Variants in MCM3 observed in about 807,000 individuals in gnomAD.
MCM3 encodes DNA replication licensing factor MCM3.
A neutral mutation model predicts 91.3 loss-of-function variants in MCM3; 59 were observed. The ratio of observed to expected loss-of-function variants is 0.65; its 90% CI spans 0.52 to 0.80. The LOEUF is 0.80. Among genes scored for constraint, MCM3 ranks in the 30% least tolerant of loss-of-function variants. The pLI, the probability that MCM3 is intolerant of heterozygous loss-of-function variation, is 0.00. For missense variants in MCM3, 919 were observed against 1,035.4 expected, an observed-to-expected ratio of 0.89 and a Z score of 1.54; for synonymous variants, 383 against 379.6, an observed-to-expected ratio of 1.01 and a Z score of -0.10.
In MCM3 at chr6:52,272,404, G is replaced by A. The variant is rs1269661662; in HGVS notation, c.1724C>T (p.Ala575Val). The A allele has an allele frequency of 6.2e-7, 1 of 1,614,078 alleles. No individual in the cohort carries two copies. Among genetic ancestry groups the A allele is most frequent in the Admixed American group, 1.7e-5 (1 of 60,016 alleles). The change falls in exon 12 of 17, where the codon GCC becomes GTC. Residue 575 changes from alanine to valine, a missense_variant. Coordinates refer to ENST00000596288, the MANE Select transcript of MCM3 (RefSeq NM_002388.6). ...AAFMKKYIHV[A>V]KIIKPVLTQE... ...TGTCAGGACAGGCTTGATGATTTTGGCCACATGGATGTACTTCTTCATGAA... is the reference window on the plus strand; with the variant it reads ...TGTCAGGACAGGCTTGATGATTTTGACCACATGGATGTACTTCTTCATGAA...
chr6:52,267,435 G>A (rs927293611), intron 14 of MCM3, among the ~76,000 whole-genome samples: 2 of 151,494 alleles, frequency 1.3e-5, no homozygotes, highest in Non-Finnish European at 2.9e-5. Context: ...GCAGGTCTAG[G>A]AACACTCTCC....
At chr6:52,276,774 C>T (rs1452419043) in intron 8 of MCM3, among the ~76,000 whole-genome samples, 1 of 152,226 alleles carries the variant, frequency 6.6e-6, no homozygotes, top group African/African-American at 2.4e-5. Context: ...AGACCTCTGC[C>T]TTCTCTTCAC....
chr6:52,274,432 C>T (rs903437685), intron 9 of MCM3, among the ~76,000 whole-genome samples: 4 of 152,180 alleles, frequency 2.6e-5, no homozygotes, highest in African/African-American at 9.7e-5. Flanking sequence ...GTAATCCCAG[C>T]ACTTTGGGAG....
intron 1 of MCM3, among the ~76,000 whole-genome samples, chr6:52,283,737 A>C (rs1236613052): frequency 6.6e-6 from 1 of 152,240 alleles, no homozygotes; most frequent in Non-Finnish European, 1.5e-5. Context: ...AGTAAGTGCA[A>C]ACTTTGTTAA....
rs149234939 is a variant in MCM3, at chr6:52,265,949, C to T, written c.2228+126G>A. On this transcript the variant is annotated intron_variant, in intron 16 of 16. Coordinates refer to ENST00000596288, the MANE Select transcript of MCM3 (RefSeq NM_002388.6). ...TGAGAATATAAAATGTTAAAAGCTG[C>T]AGGCCTCTAGTTTTGAGTTCTATTG... is the stretch of plus-strand genomic sequence containing the variant. The T allele has an allele frequency of 1.6e-3, 1,077 of 661,150 alleles. 23 individuals are homozygous for T. Among genetic ancestry groups the T allele is most frequent in the Admixed American group, 0.015 (505 of 34,326 alleles). 41.0% of individuals were successfully genotyped at this position (661,150 alleles called of 1,614,324 possible). A position where few individuals can be genotyped will look rare whatever the true frequency, so the allele number is the denominator to read the frequency against.
chr6:52,273,320 G>A lies in MCM3; in HGVS notation c.1586C>T (p.Thr529Ile), dbSNP rs1765287074. The A allele has an allele frequency of 1.2e-6, 2 of 1,614,194 alleles. No individual in the cohort carries two copies. The highest frequency in any genetic ancestry group is 1.7e-4 in the Middle Eastern group (1 of 6,060). The change falls in exon 11 of 17, where the codon ACA (threonine) becomes ATA (isoleucine). Residue 529 changes from threonine to isoleucine, a missense_variant. Thr to Ile is a moderately conservative substitution (Grantham distance 89). Coordinates refer to ENST00000596288, the MANE Select transcript of MCM3 (RefSeq NM_002388.6). ...TTCCTGGCTAAAGTTGGGATCATCTGTGGCCAGGATATCCACAGCACTACC... is the reference window on the plus strand; with the variant it reads ...TTCCTGGCTAAAGTTGGGATCATCTATGGCCAGGATATCCACAGCACTACC... ...PLGSAVDILA[T>I]DDPNFSQEDQ... is the part of the protein sequence containing the mutation.
At chr6:52,276,932 G>T in intron 8 of MCM3, 135 bp downstream of exon 8, 1 of 982,234 alleles carries the variant, frequency 1.0e-6, no homozygotes, top group Non-Finnish European at 1.5e-6. Flanking sequence ...ACCCACCATT[G>T]CTGAATACTC....
At chr6:52,267,694 AT>A (rs1266151757) in intron 14 of MCM3, among the ~76,000 whole-genome samples, 170 bp downstream of exon 14, 1 of 151,532 alleles carries the variant, frequency 6.6e-6, no homozygotes, top group Non-Finnish European at 1.5e-5. Context: ...CGCCCAGCTA[AT>A]TTTTCTATTT....
chr6:52,282,151 AC>A lies in MCM3; in HGVS notation c.424del (p.Val142SerfsTer14), dbSNP rs1766158159. 1.9e-6 allele frequency: 3 copies of A among 1,614,152 alleles called. No homozygotes were observed. Among genetic ancestry groups the A allele is most frequent in the Non-Finnish European group, 2.5e-6 (3 of 1,180,006 alleles). On this transcript the variant is annotated frameshift_variant, in exon 4 of 17. Coordinates refer to ENST00000596288, the MANE Select transcript of MCM3 (RefSeq NM_002388.6). LOFTEE classifies it high-confidence loss of function. ...AGCAGGACAGTAGTGGACACTGCGG[AC>A]GACTTTGGGACGAACTAGAGAACCT... Reference protein sequence around the residue: ...TKCSLVRPKVVRSVHYCPATK... With the variant: ...TKCSLVRPKVXRSVHYCPATK...
intron 9 of MCM3, among the ~76,000 whole-genome samples, chr6:52,275,637 A>T (rs1302117733): frequency 6.6e-6 from 1 of 152,250 alleles, no homozygotes; most frequent in Non-Finnish European, 1.5e-5. Flanking sequence ...CTACAGCTTC[A>T]TTCAAAATAG....
chr6:52,278,280 G>C (rs1048660418), intron 6 of MCM3, among the ~76,000 whole-genome samples: 1 of 152,028 alleles, frequency 6.6e-6, no homozygotes, highest in Non-Finnish European at 1.5e-5. Context: ...AACATTTTAG[G>C]TTTAATAAGA....
At chr6:52,264,864 C>T in intron 16 of MCM3, 78 bp from the exon 17 acceptor site, 1 of 1,265,662 alleles carries the variant, frequency 7.9e-7, no homozygotes, top group Non-Finnish European at 1.2e-6. Flanking sequence ...CTAGGAAAAT[C>T]CATAGTATTA....
At chr6:52,272,168 G>A (rs2128278361) in intron 12 of MCM3, 133 bp downstream of exon 12, 1 of 821,642 alleles carries the variant, frequency 1.2e-6, no homozygotes, top group South Asian at 2.6e-5. Flanking sequence ...GATTAAAATT[G>A]TATAACAGGA....
intron 4 of MCM3, among the ~76,000 whole-genome samples, chr6:52,280,811 A>T (rs1208177584): frequency 6.6e-6 from 1 of 152,272 alleles, no homozygotes; most frequent in Non-Finnish European, 1.5e-5. Flanking sequence ...CCTTAAGGCC[A>T]TCACTAACTG....
Position 52,278,884 on chromosome 6 carries a change from T to C in MCM3, c.771-34A>G, listed in dbSNP as rs759215476. ...AACAGAATAAAGAGGAAACCCGTTA[T>C]ATTCAATTCCTAACATCAGTAGCTA... On this transcript the variant is annotated intron_variant, in intron 5 of 16. Transcript: ENST00000596288. The C allele has an allele frequency of 1.6e-5, 24 of 1,478,264 alleles. No individual in the cohort carries two copies. In the Admixed American group the frequency reaches 1.9e-4, roughly 12 times the overall value. The allele number at this position is 1,478,264 out of a possible 1,614,324, so 91.6% of individuals were successfully genotyped here.
At position 52,273,344 on chromosome 6, in the gene MCM3, C is replaced by A; in HGVS notation, c.1562G>T (p.Gly521Val). ...TGTGGCCAGGATATCCACAGCACTA[C>A]CCAAGGGCATAGCTGGTATACCCAA... Reference protein sequence around the residue: ...GEQDGDAMPLGSAVDILATDD... With the variant: ...GEQDGDAMPLVSAVDILATDD... Residue 521 changes from glycine (G) to valine (V), a missense_variant, in exon 11 of 17, where the codon GGT (glycine) becomes GTT (valine). Coordinates refer to ENST00000596288, the MANE Select transcript of MCM3 (RefSeq NM_002388.6). 6.2e-7 allele frequency: 1 copy of A among 1,614,094 alleles called. No individual in the cohort carries two copies. Among genetic ancestry groups the A allele is most frequent in the Non-Finnish European group, 8.5e-7 (1 of 1,180,012 alleles).
intron 14 of MCM3, among the ~76,000 whole-genome samples, chr6:52,267,465 T>C (rs1764733514): frequency 6.6e-6 from 1 of 151,282 alleles, no homozygotes; most frequent in Non-Finnish European, 1.5e-5. Flanking sequence ...CTGACATCAA[T>C]AAGCAGCGCT....
chr6:52,281,672 T>C (rs1156857024), intron 4 of MCM3, among the ~76,000 whole-genome samples: 2 of 150,952 alleles, frequency 1.3e-5, no homozygotes, highest in Non-Finnish European at 3.0e-5. Flanking sequence ...ACAGATCCCG[T>C]CTCTAAAAAA....
intron 12 of MCM3, 29 bp downstream of exon 12, chr6:52,272,272 C>T: frequency 6.2e-7 from 1 of 1,608,292 alleles, no homozygotes; most frequent in South Asian, 1.1e-5. Flanking sequence ...CCTAAGGGAC[C>T]CCAAGCCTAG....
Sources: allele counts gnomAD v4.1 joint callset (sites outside exome capture counted in the v4.1 genomes callset), GRCh38; gene constraint gnomAD v4.1.1; transcripts MANE v1.5; gene names NCBI Gene and HGNC (gene_info 2026-07-23, HGNC 2026-07-21).